NKTR: variants seen among roughly 807,000 people sequenced by gnomAD.
The protein encoded by NKTR is NK-tumor recognition protein.
In NKTR, 67 loss-of-function variants were observed where a neutral mutation model predicts 156.3. The ratio of observed to expected loss-of-function variants is 0.43; its 90% confidence interval spans 0.35 to 0.53. The LOEUF (loss-of-function observed/expected upper bound fraction) is 0.53, where lower values mean the gene tolerates loss of function less well. NKTR is among the 20% of genes least tolerant of loss of function. The pLI is 0.01. For missense variants in NKTR, 1,604 were observed against 1,730.9 expected, an observed-to-expected ratio of 0.93 and a Z score of 1.30; for synonymous variants, 640 against 596.6, an observed-to-expected ratio of 1.07 and a Z score of -1.06.
chr3:42,639,683 C>A lies in NKTR; in HGVS notation c.3979C>A (p.His1327Asn). 2 of 1,613,958 alleles carry A rather than the reference C, an allele frequency of 1.2e-6. No individual in the cohort carries two copies. The highest frequency in any genetic ancestry group is 2.2e-5 in the South Asian group (2 of 91,074). The change falls in exon 13 of 17, where the codon CAC becomes AAC. Residue 1327 changes from histidine (H) to asparagine (N), a missense_variant. By Grantham distance (68) the His-to-Asn change is moderately conservative. Transcript: ENST00000232978. ...AAGTAAATCTGAAACCAAATCAAGA[C>A]ACAGAACAAGGTCTGTCTCCTATAG... is the stretch of plus-strand genomic sequence containing the variant. ...SRSKSETKSR[H>N]RTRSVSYSHS...
rs76663329 is a variant in NKTR at position 42,638,979 on chromosome 3, C to G, written c.3275C>G (p.Ser1092Cys). ...FTKDDSKLSI[S>C]PTALNTEENV... The stretch of plus-strand genomic sequence containing the variant: ...AAAGATGATAGTAAACTCAGTATTT[C>G]TCCCACAGCTTTAAATACTGAGGAA... The change falls in exon 13 of 17, where the codon TCT becomes TGT. Residue 1092 changes from serine to cysteine, a missense_variant. By Grantham distance (112) the Ser-to-Cys change is moderately radical. Coordinates refer to ENST00000232978, the MANE Select transcript of NKTR (RefSeq NM_005385.4). 3.3e-5 allele frequency: 54 copies of G among 1,613,262 alleles called. No individual in the cohort carries two copies. In the East Asian group the frequency reaches 1.0e-3, roughly 30 times the overall value.
At chr3:42,619,735 T>C (rs1379709705) in intron 5 of NKTR, 27 bp downstream of exon 5, 1 of 1,607,936 alleles carries the variant, frequency 6.2e-7, no homozygotes, top group Non-Finnish European at 8.5e-7. Flanking sequence ...TACGGTCTTT[T>C]GTTTCAGTTC....
chr3:42,644,677 A>G (rs948175000), intron 16 of NKTR, among the ~76,000 whole-genome samples: 9 of 151,448 alleles, frequency 5.9e-5, no homozygotes, highest in Non-Finnish European at 1.2e-4. Context: ...TCCAGCTCAC[A>G]CTCTTTCTGG....
Position 42,646,732 on chromosome 3 carries a change from G to A in NKTR, c.*757G>A, listed in dbSNP as rs1208979542. ...ATTCTACTTCATGCTTTGGTGCTTG[G>A]TAATTTTTGGTGCGTCTTTAAGCAT... On this transcript the variant is annotated 3_prime_UTR_variant, in exon 17 of 17. Transcript: ENST00000232978. The A allele has an allele frequency of 6.6e-6, 1 of 152,538 alleles. No individual in the cohort carries two copies. The highest frequency in any genetic ancestry group is 2.4e-5 in the African/African-American group (1 of 41,394). The allele number at this position is 152,538 out of a possible 1,614,324, so 9.4% of individuals were successfully genotyped here.
At chr3:42,617,088 A>G (rs1707443405) in intron 2 of NKTR, among the ~76,000 whole-genome samples, 1 of 152,102 alleles carries the variant, frequency 6.6e-6, no homozygotes, top group African/African-American at 2.4e-5. Context: ...GATTGGTGCA[A>G]TTCAGGAAGG....
chr3:42,643,761 A>G, intron 15 of NKTR, 141 bp from the exon 16 acceptor site: 2 of 688,044 alleles, frequency 2.9e-6, no homozygotes, highest in East Asian at 5.4e-5. Context: ...TGTTTCCAGT[A>G]CTTGTTTTGG....
rs569909254 is a variant in NKTR, at chr3:42,636,475, C to T, written c.1164-393C>T. On this transcript the variant is annotated intron_variant, in intron 12 of 16. Transcript: ENST00000232978. Reference sequence around the variant, plus strand: ...CAGCTATCCTGCATCTTCAGAAAATCAACAAATTGTTTGAGACCTTGGTTT... The same window carrying T: ...CAGCTATCCTGCATCTTCAGAAAATTAACAAATTGTTTGAGACCTTGGTTT... Among the ~76,000 whole-genome samples, 8 of 152,294 alleles carry T rather than the reference C, an allele frequency of 5.3e-5. No homozygotes were observed. In the East Asian group the frequency reaches 1.2e-3, roughly 22 times the overall value.
At chr3:42,606,198 G>T (rs1295336238) in intron 2 of NKTR, among the ~76,000 whole-genome samples, 1 of 151,952 alleles carries the variant, frequency 6.6e-6, no homozygotes, top group Non-Finnish European at 1.5e-5. Flanking sequence ...ATTTATTATT[G>T]ATACTCCTAA....
intron 9 of NKTR, 153 bp downstream of exon 9, chr3:42,632,976 T>G (rs962334078): frequency 7.6e-7 from 1 of 1,315,748 alleles, no homozygotes; most frequent in African/African-American, 1.5e-5. Flanking sequence ...AATCTAGGAG[T>G]AGGTAGCATA....
In NKTR at chr3:42,635,352, G is replaced by C; in HGVS notation, c.1149G>C (p.Trp383Cys). 6.2e-7 allele frequency: 1 copy of C among 1,609,382 alleles called. No homozygotes were observed. Among genetic ancestry groups the C allele is most frequent in the Admixed American group, 1.7e-5 (1 of 58,932 alleles). The change falls in exon 12 of 17, where the codon TGG (tryptophan) becomes TGC (cysteine). Residue 383 changes from tryptophan to cysteine, a missense_variant. By Grantham distance (215) the Trp-to-Cys change is radical. Transcript: ENST00000232978. ...ATAGACCACCTAGTGGAGAAAAATG[G>C]AGTAAAGGAGATAAGTAAGAACTTT... ...RAYRPPSGEK[W>C]SKGDKLSDPC...
At chr3:42,629,356 T>C (rs558325586) in intron 6 of NKTR, 57 of 948,262 alleles carry the variant, frequency 6.0e-5, no homozygotes, top group Non-Finnish European at 7.0e-5. Flanking sequence ...ACTTCTTAAG[T>C]TGACATTTTA....
At position 42,637,545 on chromosome 3, in the gene NKTR, C is replaced by T; in HGVS notation, c.1841C>T (p.Pro614Leu). Residue 614 changes from proline (P) to leucine (L), a missense_variant, in exon 13 of 17, where the codon CCC becomes CTC. By Grantham distance (98) the Pro-to-Leu change is moderately conservative (BLOSUM62 -3). Around this residue, in one of 6 missense-constraint regions of NKTR, gnomAD observed 1,255 missense variants for 1,243.7 expected, o/e 1.01. Coordinates refer to ENST00000232978, the MANE Select transcript of NKTR (RefSeq NM_005385.4). The part of the protein sequence containing the change: ...NIPVIPLSDS[P>L]PPSRWKPGQK... ...CCTGTAATACCACTGAGTGACAGTCCCCCCCCTTCAAGATGGAAGCCTGGA... is the reference window on the plus strand; with the variant it reads ...CCTGTAATACCACTGAGTGACAGTCTCCCCCCTTCAAGATGGAAGCCTGGA... The T allele has an allele frequency of 6.2e-7, 1 of 1,613,740 alleles. No homozygotes were observed. The highest frequency in any genetic ancestry group is 8.5e-7 in the Non-Finnish European group (1 of 1,179,930).
At chr3:42,601,144 C>A (rs1353527056) in intron 2 of NKTR, 80 bp downstream of exon 2, 2 of 1,229,544 alleles carry the variant, frequency 1.6e-6, no homozygotes, top group Non-Finnish European at 2.2e-6. Context: ...AGCAACCCTC[C>A]CCCGGCCTTT....
At chr3:42,607,911 A>G (rs1206684125) in intron 2 of NKTR, among the ~76,000 whole-genome samples, 3 of 148,802 alleles carry the variant, frequency 2.0e-5, no homozygotes, top group Non-Finnish European at 3.0e-5. Flanking sequence ...GTTAAGAGAA[A>G]TCAGTTCCAC....
chr3:42,608,891 C>T (rs1042009851), intron 2 of NKTR, among the ~76,000 whole-genome samples: 2 of 152,034 alleles, frequency 1.3e-5, no homozygotes, highest in Non-Finnish European at 1.5e-5. Flanking sequence ...TTTGGGAGGC[C>T]GAGGCAGGCA....
intron 2 of NKTR, among the ~76,000 whole-genome samples, chr3:42,615,566 A>T (rs1259040222): frequency 1.3e-5 from 2 of 152,164 alleles, no homozygotes; most frequent in Non-Finnish European, 2.9e-5. Flanking sequence ...ATTTTGAGGC[A>T]TTACAAGATT....
chr3:42,610,825 C>G (rs143990555), intron 2 of NKTR, among the ~76,000 whole-genome samples: 1 of 152,234 alleles, frequency 6.6e-6, no homozygotes, highest in East Asian at 1.9e-4. Context: ...TATAGTGTTA[C>G]ACTTTAATGT....
At chr3:42,608,428 C>G (rs779566349) in intron 2 of NKTR, among the ~76,000 whole-genome samples, 3 of 152,060 alleles carry the variant, frequency 2.0e-5, no homozygotes, top group Non-Finnish European at 4.4e-5. Context: ...CAGGAACAAC[C>G]AAACAGAAGA....
Position 42,638,452 on chromosome 3 carries a change from C to T in NKTR, c.2748C>T (p.Ser916=), listed in dbSNP as rs762754514. 13 of 1,611,904 alleles carry T rather than the reference C, an allele frequency of 8.1e-6. No homozygotes were observed. In the African/African-American group the frequency reaches 1.1e-4, roughly 13 times the overall value. The part of the protein sequence containing the change: ...SSDKEEGEAT[S]DSESEVSEIH... ...ACAAGGAAGAAGGTGAGGCCACATC[C>T]GATTCTGAATCAGAGGTTAGTGAAA... Residue 916 remains serine, a synonymous_variant, in exon 13 of 17, where the codon TCC becomes TCT. Coordinates refer to ENST00000232978, the MANE Select transcript of NKTR (RefSeq NM_005385.4).
Sources: gnomAD v4.1 joint callset for allele counts (sites outside exome capture counted in the v4.1 genomes callset) on GRCh38, gnomAD v4.1.1 for gene constraint, gnomAD v4.1.1 regional missense constraint, MANE v1.5 for transcripts, NCBI Gene and HGNC (gene_info 2026-07-23, HGNC 2026-07-21) for gene names.